RTTN: variants seen among roughly 807,000 people sequenced by gnomAD.
RTTN encodes rotatin.
In RTTN, 182 loss-of-function variants were observed where a neutral mutation model predicts 269.2. That is an observed-to-expected ratio of 0.68 (90% CI 0.60 to 0.76). The LOEUF (loss-of-function observed/expected upper bound fraction) is 0.76. RTTN is among the 30% of genes least tolerant of loss of function. RTTN has a pLI of 0.00. For missense variants in RTTN, 2,545 were observed against 2,608.6 expected, an observed-to-expected ratio of 0.98 and a Z score of 0.53; for synonymous variants, 1,006 against 963.5, an observed-to-expected ratio of 1.04 and a Z score of -0.82.
At chr18:70,079,435 G>A (rs184226726) in intron 32 of RTTN, among the ~76,000 whole-genome samples, 227 of 152,156 alleles carry the variant, frequency 1.5e-3, no homozygotes, top group African/African-American at 4.7e-3. Context: ...ACAAAGGATG[G>A]CCAGGCTCAG....
chr18:70,032,173 G>A (rs536395884), intron 40 of RTTN, among the ~76,000 whole-genome samples: 7 of 152,322 alleles, frequency 4.6e-5, no homozygotes, highest in Admixed American at 6.5e-5. Flanking sequence ...TAGGGGAACT[G>A]TGGGACCTCA....
chr18:70,050,911 G>A (rs1295288046), intron 39 of RTTN, among the ~76,000 whole-genome samples: 3 of 152,088 alleles, frequency 2.0e-5, no homozygotes, highest in African/African-American at 7.2e-5. Flanking sequence ...ATCACACACC[G>A]TGTCGGGGGA....
chr18:70,031,338 G>A (rs1020958599), intron 40 of RTTN: 1 of 400,640 alleles, frequency 2.5e-6, no homozygotes, highest in East Asian at 3.6e-5. Context: ...TGCTGAACAG[G>A]AGAACTGTCA....
intron 28 of RTTN, among the ~76,000 whole-genome samples, chr18:70,100,384 T>C (rs1242183306): frequency 6.6e-6 from 1 of 152,208 alleles, no homozygotes; most frequent in Non-Finnish European, 1.5e-5. Flanking sequence ...GTTTGTCTGT[T>C]ATTGGTGTAT....
intron 32 of RTTN, among the ~76,000 whole-genome samples, chr18:70,080,064 A>G (rs2058523244): frequency 6.6e-6 from 1 of 152,122 alleles, no homozygotes; most frequent in Non-Finnish European, 1.5e-5. Flanking sequence ...CAATGATATC[A>G]GTTTACCAAG....
chr18:70,184,924 G>A (rs1005589759), intron 10 of RTTN, among the ~76,000 whole-genome samples: 6 of 151,248 alleles, frequency 4.0e-5, no homozygotes, highest in African/African-American at 1.5e-4. Context: ...CAAAGTTGAA[G>A]GACTTATACT....
intron 28 of RTTN, among the ~76,000 whole-genome samples, chr18:70,105,904 AT>A (rs2145406108): frequency 6.6e-6 from 1 of 152,282 alleles, no homozygotes; most frequent in Non-Finnish European, 1.5e-5. Context: ...TACACAATAT[AT>A]ATGTATTATG....
chr18:70,163,039 C>T (rs2060882096), intron 14 of RTTN, among the ~76,000 whole-genome samples: 1 of 117,028 alleles, frequency 8.5e-6, no homozygotes, highest in Admixed American at 1.1e-4. Context: ...TGGGAAATGA[C>T]TTTGCACCCA....
At chr18:70,049,149 T>C (rs1230820777) in intron 39 of RTTN, among the ~76,000 whole-genome samples, 1 of 152,204 alleles carries the variant, frequency 6.6e-6, no homozygotes, top group Non-Finnish European at 1.5e-5. Context: ...TGCAGGTAAC[T>C]GGCTTTTTCA....
chr18:70,140,241 A>C (rs1040513613), intron 19 of RTTN, 53 bp from the exon 20 acceptor site: 1 of 1,025,966 alleles, frequency 9.7e-7, no homozygotes, highest in Non-Finnish European at 1.5e-6. Context: ...GTAGTTTAAA[A>C]CACGTATTTT....
In RTTN at chr18:70,188,563, G is replaced by T. The variant is rs185866181; in HGVS notation, c.1190-340C>A. On this transcript the variant is annotated intron_variant, in intron 9 of 48. Transcript: ENST00000640769. ...ACACGTAATATGTGACAAAGCACCAGAAAGGTTTAGAAAACGTATTCCAAT... is the reference window on the plus strand; with the variant it reads ...ACACGTAATATGTGACAAAGCACCATAAAGGTTTAGAAAACGTATTCCAAT... 2.0e-5 allele frequency among the ~76,000 whole-genome samples: 3 copies of T among 152,316 alleles called. No individual in the cohort carries two copies. In the South Asian group the frequency reaches 6.2e-4, roughly 32 times the overall value.
At chr18:70,093,567 T>A (rs2058912558) in intron 28 of RTTN, among the ~76,000 whole-genome samples, 1 of 152,164 alleles carries the variant, frequency 6.6e-6, no homozygotes, top group Admixed American at 6.5e-5. Context: ...AATCATGTGG[T>A]TTTTCTCACT....
chr18:70,172,538 T>C (rs1037631153), intron 11 of RTTN, among the ~76,000 whole-genome samples: 10 of 152,166 alleles, frequency 6.6e-5, no homozygotes, highest in African/African-American at 2.4e-4. Flanking sequence ...TCAAAACAAA[T>C]ATAATCATCT....
Position 70,166,098 on chromosome 18 carries a change from T to A in RTTN, c.1893A>T (p.Lys631Asn). 2 of 1,613,868 alleles carry A rather than the reference T, an allele frequency of 1.2e-6. No individual in the cohort carries two copies. The highest frequency in any genetic ancestry group is 1.7e-6 in the Non-Finnish European group (2 of 1,179,812). The change falls in exon 14 of 49, where the codon AAA (lysine) becomes AAT (asparagine). Residue 631 changes from lysine (K) to asparagine (N), a missense_variant. Transcript: ENST00000640769. ...CCAGACAGCAGTGGTAAGTTTCAGC[T>A]TTCACTCGTGGCAATGGGTGAGACA... is the stretch of plus-strand genomic sequence containing the variant. ...HMLSHPLPRV[K>N]AETYHCCLEI...
intron 35 of RTTN, among the ~76,000 whole-genome samples, chr18:70,065,212 GTCCTT>G (rs2058098427): frequency 6.8e-6 from 1 of 146,074 alleles, no homozygotes; most frequent in Non-Finnish European, 1.5e-5. Context: ...AGATAGTATA[GTCCTT>G]TCAAGTCAAA....
chr18:70,047,941 A>G (rs1300721110), intron 40 of RTTN, 30 bp downstream of exon 40: 3 of 1,552,404 alleles, frequency 1.9e-6, no homozygotes, highest in Non-Finnish European at 2.7e-6. Flanking sequence ...ACGCTAAATA[A>G]AGTTTTTGAA....
At chr18:70,058,301 G>C (rs561031999) in intron 36 of RTTN, among the ~76,000 whole-genome samples, 45 of 152,296 alleles carry the variant, frequency 3.0e-4, no homozygotes, top group African/African-American at 1.1e-3. Flanking sequence ...TGGATCACCT[G>C]GGGTCAGGAG....
chr18:70,149,735 A>G (rs2145788624), intron 16 of RTTN, among the ~76,000 whole-genome samples: 1 of 152,166 alleles, frequency 6.6e-6, no homozygotes, highest in African/African-American at 2.4e-5. Context: ...AATGCACCTC[A>G]CTTTTTAACC....
chr18:70,068,987 T>C (rs1599375333), intron 34 of RTTN, among the ~76,000 whole-genome samples: 1 of 152,280 alleles, frequency 6.6e-6, no homozygotes, highest in East Asian at 1.9e-4. Context: ...CTCAGATTAG[T>C]GTAATGGATG....
Sources: allele counts gnomAD v4.1 joint callset (sites outside exome capture counted in the v4.1 genomes callset), GRCh38; gene constraint gnomAD v4.1.1; transcripts MANE v1.5; gene names NCBI Gene and HGNC (gene_info 2026-07-23, HGNC 2026-07-21).